KIAA0232: variants seen among roughly 807,000 people sequenced by gnomAD.
KIAA0232 encodes KIAA0232, also known as uncharacterized protein KIAA0232.
In KIAA0232, 27 loss-of-function variants were observed where a neutral mutation model predicts 122.0. That is an observed-to-expected ratio of 0.22 (90% CI 0.16 to 0.31). The LOEUF (loss-of-function observed/expected upper bound fraction) is 0.31. Ranked by LOEUF, KIAA0232 falls within the 10% of genes least tolerant of loss-of-function variation. KIAA0232 has a pLI of 1.00. For synonymous variants in KIAA0232, 613 were observed against 587.6 expected, an observed-to-expected ratio of 1.04 and a Z score of -0.63; for missense variants, 1,551 against 1,634.2, an observed-to-expected ratio of 0.95 and a Z score of 0.88.
rs560493936 is a variant in KIAA0232 at position 6,800,423 on chromosome 4, T to C, written c.-353-4100T>C. ...GGGGCCAGATGTGGTGGTTCATGCC[T>C]GTAATCCCAGCACTTTGGGAGGCCA... On this transcript the variant is annotated intron_variant, in intron 1 of 9. Transcript: ENST00000307659. Among the ~76,000 whole-genome samples the C allele has an allele frequency of 4.0e-4, 60 of 151,700 alleles. 1 individual carries two copies. In the South Asian group the frequency reaches 0.01, roughly 26 times the overall value.
intron 3 of KIAA0232, among the ~76,000 whole-genome samples, chr4:6,841,726 A>T (rs1018288648): frequency 3.3e-4 from 50 of 152,178 alleles, no homozygotes; most frequent in African/African-American, 1.1e-3. Context: ...AAAAAAGAAT[A>T]TGCTTAAGAA....
chr4:6,864,677 T>G (rs559449656), intron 7 of KIAA0232, among the ~76,000 whole-genome samples: 12 of 138,690 alleles, frequency 8.7e-5, no homozygotes, highest in African/African-American at 3.2e-4. Context: ...AGGCAAAGGT[T>G]GCAGTGAGCC....
chr4:6,877,755 A>G (rs930334750), intron 9 of KIAA0232, among the ~76,000 whole-genome samples: 2 of 152,124 alleles, frequency 1.3e-5, no homozygotes, highest in Non-Finnish European at 2.9e-5. Flanking sequence ...ACCCAGATGA[A>G]GGGTGGGTCT....
intron 4 of KIAA0232, among the ~76,000 whole-genome samples, chr4:6,850,419 A>G (rs1299235047): frequency 4.6e-5 from 7 of 152,226 alleles, no homozygotes; most frequent in Admixed American, 4.6e-4. Flanking sequence ...AGGTGTACAC[A>G]AATACAGCAT....
intron 3 of KIAA0232, among the ~76,000 whole-genome samples, chr4:6,837,154 G>C (rs1306680117): frequency 1.3e-5 from 2 of 151,822 alleles, no homozygotes; most frequent in African/African-American, 4.8e-5. Context: ...CCTCCCGAAC[G>C]GGCCGGCTGG....
chr4:6,788,853 G>T (rs1220816159), intron 1 of KIAA0232, among the ~76,000 whole-genome samples: 1 of 152,178 alleles, frequency 6.6e-6, no homozygotes. Flanking sequence ...TTGAATAGGT[G>T]GAGACGACAC....
intron 6 of KIAA0232, among the ~76,000 whole-genome samples, chr4:6,860,305 G>A (rs944751269): frequency 2.0e-5 from 3 of 152,294 alleles, no homozygotes; most frequent in Non-Finnish European, 4.4e-5. Context: ...GAGAGGTTAA[G>A]TAACATGCCT....
chr4:6,792,654 C>G (rs1041362558), intron 1 of KIAA0232, among the ~76,000 whole-genome samples: 1 of 148,758 alleles, frequency 6.7e-6, no homozygotes, highest in Non-Finnish European at 1.5e-5. Flanking sequence ...CTTCAGTGAT[C>G]TGCTGTTGTA....
chr4:6,796,070 T>C lies in KIAA0232; in HGVS notation c.-353-8453T>C, dbSNP rs140415692. 1.6e-3 allele frequency among the ~76,000 whole-genome samples: 241 copies of C among 152,218 alleles called. 1 individual carries two copies. Among genetic ancestry groups the C allele is most frequent in the South Asian group, 0.011 (52 of 4,816 alleles). ...GGTGAGGAGAGGATGATGAGAGGTG[T>C]GGTTTGTGCGTAAGTGAGCTGCACT... On this transcript the variant is annotated intron_variant, in intron 1 of 9. Coordinates refer to ENST00000307659, the MANE Select transcript of KIAA0232 (RefSeq NM_014743.3).
At chr4:6,852,340 T>A (rs546447451) in intron 4 of KIAA0232, among the ~76,000 whole-genome samples, 1 of 152,232 alleles carries the variant, frequency 6.6e-6, no homozygotes, top group African/African-American at 2.4e-5. Flanking sequence ...ATATTCTCAG[T>A]CTTCTCAGTT....
chr4:6,838,988 G>A (rs376311550), intron 3 of KIAA0232, among the ~76,000 whole-genome samples: 1 of 152,090 alleles, frequency 6.6e-6, no homozygotes, highest in African/African-American at 2.4e-5. Flanking sequence ...AATTAGCCAG[G>A]TGTGGTGGCG....
At position 6,861,235 on chromosome 4, in the gene KIAA0232, C is replaced by T. The variant is rs1471686976; in HGVS notation, c.853C>T (p.Pro285Ser). Residue 285 changes from proline (P) to serine (S), a missense_variant, in exon 7 of 10, where the codon CCT (proline) becomes TCT (serine). Pro to Ser is a moderately conservative substitution (Grantham distance 74). Around this residue, in one of 5 missense-constraint regions of KIAA0232, gnomAD observed 377 missense variants for 381.7 expected, o/e 0.99. Transcript: ENST00000307659. The part of the protein sequence containing the change: ...IRHKPEGKIR[P>S]RSWSSGSSEA... ...ACATAAACCTGAAGGAAAGATTCGCCCTCGCTCGTGGTCTTCTGGCTCCAG... is the reference window on the plus strand; with the variant it reads ...ACATAAACCTGAAGGAAAGATTCGCTCTCGCTCGTGGTCTTCTGGCTCCAG... 1 of 1,614,054 alleles carries T rather than the reference C, an allele frequency of 6.2e-7. No homozygotes were observed. The highest frequency in any genetic ancestry group is 8.5e-7 in the Non-Finnish European group (1 of 1,180,016).
chr4:6,862,314 A>T lies in KIAA0232; in HGVS notation c.1932A>T (p.Ile644=). 4 of 1,614,162 alleles carry T rather than the reference A, an allele frequency of 2.5e-6. No homozygotes were observed. The highest frequency in any genetic ancestry group is 3.4e-6 in the Non-Finnish European group (4 of 1,180,014). ...LFSDINEGSG[I]NSCFSVFEVQ... is the part of the protein sequence containing the mutation. ...CAGATATTAATGAAGGATCTGGTAT[A>T]AACTCTTGTTTTTCAGTGTTTGAAG... The change falls in exon 7 of 10, where the codon ATA becomes ATT. Residue 644 remains isoleucine, a synonymous_variant. Coordinates refer to ENST00000307659, the MANE Select transcript of KIAA0232 (RefSeq NM_014743.3).
chr4:6,856,882 C>T (rs377506203), intron 4 of KIAA0232, among the ~76,000 whole-genome samples: 14 of 152,240 alleles, frequency 9.2e-5, no homozygotes, highest in African/African-American at 3.4e-4. Context: ...AGCAAGATGA[C>T]ACACCTTTGG....
intron 1 of KIAA0232, among the ~76,000 whole-genome samples, chr4:6,786,305 AGTTT>A (rs533358805): frequency 1.1e-3 from 170 of 152,282 alleles, no homozygotes; most frequent in African/African-American, 3.2e-3. Flanking sequence ...CTGCAAATAA[AGTTT>A]GTTTGTTTTT....
intron 2 of KIAA0232, among the ~76,000 whole-genome samples, chr4:6,812,509 C>A (rs1352722560): frequency 6.6e-6 from 1 of 151,924 alleles, no homozygotes; most frequent in Non-Finnish European, 1.5e-5. Flanking sequence ...ATTTAAAGTC[C>A]TATGCAAAGG....
chr4:6,880,121 G>C (rs1234161649), intron 9 of KIAA0232, among the ~76,000 whole-genome samples: 7 of 26,636 alleles, frequency 2.6e-4, no homozygotes, highest in Non-Finnish European at 3.9e-4. Flanking sequence ...CCAACACACA[G>C]GTCTGTAGTG....
chr4:6,787,170 G>T (rs577034310), intron 1 of KIAA0232, among the ~76,000 whole-genome samples: 1 of 112,840 alleles, frequency 8.9e-6, no homozygotes, highest in East Asian at 2.2e-4. Context: ...ACAGAGCAAG[G>T]CTCTCTCAAA....
At chr4:6,870,537 T>C (rs551108959) in intron 7 of KIAA0232, among the ~76,000 whole-genome samples, 1 of 152,384 alleles carries the variant, frequency 6.6e-6, no homozygotes, top group African/African-American at 2.4e-5. Context: ...GCATGGTGGC[T>C]CACGCCTGTA....
Sources: allele counts gnomAD v4.1 joint callset (sites outside exome capture counted in the v4.1 genomes callset), GRCh38; gene constraint gnomAD v4.1.1; regional missense constraint gnomAD v4.1.1; transcripts MANE v1.5; gene names NCBI Gene and HGNC (gene_info 2026-07-23, HGNC 2026-07-21).